CCDC191: variants seen among roughly 807,000 people sequenced by gnomAD.
The protein encoded by CCDC191 is coiled-coil domain-containing protein 191.
A neutral mutation model predicts 114.0 loss-of-function variants in CCDC191; 99 were observed. The ratio of observed to expected loss-of-function variants is 0.87; its 90% CI spans 0.74 to 1.03. The LOEUF is 1.03. Among genes scored for constraint, CCDC191 ranks in the 50% least tolerant of loss-of-function variants. CCDC191 has a pLI of 0.00. For missense variants in CCDC191, 973 were observed against 1,087.0 expected (o/e 0.90, Z 1.47); for synonymous variants, 351 against 376.0 (o/e 0.93, Z 0.77).
intron 13 of CCDC191, among the ~76,000 whole-genome samples, chr3:113,985,016 A>G (rs1034305535): frequency 6.6e-6 from 1 of 152,182 alleles, no homozygotes; most frequent in Non-Finnish European, 1.5e-5. Flanking sequence ...ACTGGATACC[A>G]TATGAGTAAG....
Position 113,978,197 on chromosome 3 carries a change from C to A in CCDC191, c.2595G>T (p.Glu865Asp), listed in dbSNP as rs369084438. ...DSQGKHEIAA[E>D]HSDRRILWIT... Reference sequence around the variant, plus strand: ...TATCAAAACCTCACCTGTCACTGTGCTCCGCTGCAATCTCATGCTTGCCCT... The same window carrying A: ...TATCAAAACCTCACCTGTCACTGTGATCCGCTGCAATCTCATGCTTGCCCT... The change falls in exon 16 of 17, where the codon GAG becomes GAT. Residue 865 changes from glutamate (E) to aspartate (D), a missense_variant. Physicochemically the swap from Glu to Asp is conservative, Grantham distance 45. Transcript: ENST00000295878. The A allele has an allele frequency of 6.2e-7, 1 of 1,613,904 alleles. No individual in the cohort carries two copies. The highest frequency in any genetic ancestry group is 8.5e-7 in the Non-Finnish European group (1 of 1,179,958).
At position 113,965,328 on chromosome 3, in the gene CCDC191, T is replaced by C; in HGVS notation, c.2638A>G (p.Lys880Glu). 6.2e-7 allele frequency: 1 copy of C among 1,609,750 alleles called. No homozygotes were observed. The highest frequency in any genetic ancestry group is 1.1e-5 in the South Asian group (1 of 90,246). ...RILWITLRTW[K>E]KFVKFMKEER... ...TCTTTCATAAATTTTACAAACTTCT[T>C]CCATGTCCGAAGGGTGATCCAGAGG... The change falls in exon 17 of 17, where the codon AAG becomes GAG. Residue 880 changes from lysine to glutamate, a missense_variant. Coordinates refer to ENST00000295878, the MANE Select transcript of CCDC191 (RefSeq NM_020817.2).
intron 9 of CCDC191, 32 bp from the exon 10 acceptor site, chr3:114,005,994 A>C: frequency 6.4e-7 from 1 of 1,564,992 alleles, no homozygotes; most frequent in Non-Finnish European, 8.8e-7. Flanking sequence ...TAGCTCAACT[A>C]TTTAAAGGAC....
chr3:113,996,018 A>G lies in CCDC191; in HGVS notation c.2163+5577T>C, dbSNP rs1214007107. ...CATTTAAATTCTTTATAGATTCTGGATATTAGACCTTTGTCAGATGGATAG... is the reference window on the plus strand; with the variant it reads ...CATTTAAATTCTTTATAGATTCTGGGTATTAGACCTTTGTCAGATGGATAG... On this transcript the variant is annotated intron_variant, in intron 13 of 16. Transcript: ENST00000295878. Among the ~76,000 whole-genome samples, 3 of 151,896 alleles carry G rather than the reference A, an allele frequency of 2.0e-5. No individual in the cohort carries two copies. The East Asian group carries it at 5.8e-4, about 29-fold the overall frequency.
At chr3:114,034,557 A>T (rs1221949396) in intron 6 of CCDC191, among the ~76,000 whole-genome samples, 3 of 152,230 alleles carry the variant, frequency 2.0e-5, no homozygotes, top group African/African-American at 7.2e-5. Flanking sequence ...TTGCAATCTT[A>T]TAATGGTGAA....
chr3:113,988,970 A>AT (rs1183679429), intron 13 of CCDC191, among the ~76,000 whole-genome samples: 1 of 151,776 alleles, frequency 6.6e-6, no homozygotes, highest in Non-Finnish European at 1.5e-5. Flanking sequence ...ATATTTTTGT[A>AT]TTTTTTTAGT....
At chr3:114,002,590 G>T in intron 11 of CCDC191, 52 bp from the exon 12 acceptor site, 1 of 1,431,424 alleles carries the variant, frequency 7.0e-7, no homozygotes, top group Non-Finnish European at 9.6e-7. Context: ...AAAATATGAG[G>T]AATACTGCAA....
intron 13 of CCDC191, among the ~76,000 whole-genome samples, chr3:113,988,524 G>A (rs926831958): frequency 1.3e-5 from 2 of 151,060 alleles, no homozygotes; most frequent in Non-Finnish European, 2.9e-5. Context: ...TACTCAGAAG[G>A]CTGAGGCAGG....
intron 10 of CCDC191, 78 bp downstream of exon 10, chr3:114,005,430 C>T (rs1490648248): frequency 5.9e-6 from 8 of 1,359,486 alleles, no homozygotes; most frequent in Admixed American, 4.5e-5. Flanking sequence ...GGCTCAGAAG[C>T]AGGGCAAAGA....
chr3:114,047,452 A>C lies in CCDC191; in HGVS notation c.130-720T>G, dbSNP rs150517699. Among the ~76,000 whole-genome samples the C allele has an allele frequency of 3.4e-3, 521 of 152,308 alleles. 5 individuals carry two copies. Among genetic ancestry groups the C allele is most frequent in the African/African-American group, 0.012 (490 of 41,572 alleles). ...CAAAATGGGAGGACTGCCTAAGCTC[A>C]GGAGTTTGAGACCAGCCTGGGGCAC... On this transcript the variant is annotated intron_variant, in intron 2 of 16. Coordinates refer to ENST00000295878, the MANE Select transcript of CCDC191 (RefSeq NM_020817.2).
intron 13 of CCDC191, among the ~76,000 whole-genome samples, chr3:113,990,553 C>A (rs2075522163): frequency 6.6e-6 from 1 of 151,392 alleles, no homozygotes; most frequent in Admixed American, 6.6e-5. Flanking sequence ...AAATCCCCAC[C>A]AAAGAATTTA....
At chr3:114,046,501 G>A (rs920503471) in intron 3 of CCDC191, 90 bp downstream of exon 3, 1 of 827,908 alleles carries the variant, frequency 1.2e-6, no homozygotes, top group Non-Finnish European at 2.1e-6. Flanking sequence ...AAGAACAAGA[G>A]TAAGAAAACT....
In CCDC191 at chr3:114,005,645, A is replaced by G; in HGVS notation, c.1731T>C (p.Ile577=). 6.2e-7 allele frequency: 1 copy of G among 1,614,000 alleles called. No homozygotes were observed. The highest frequency in any genetic ancestry group is 8.5e-7 in the Non-Finnish European group (1 of 1,179,984). Residue 577 remains isoleucine (I), a synonymous_variant, in exon 10 of 17, where the codon ATT becomes ATC. Transcript: ENST00000295878. ...KKKLQEQQKT[I]LELKKNLQLA... ...GCTGCAGGTTTTTCTTCAGCTCGAG[A>G]ATTGTTTTCTGCTGTTCCTGAAGTT... is the stretch of plus-strand genomic sequence containing the variant.
chr3:114,053,539 C>A, intron 2 of CCDC191, 58 bp downstream of exon 2: 3 of 1,000,046 alleles, frequency 3.0e-6, no homozygotes, highest in South Asian at 1.6e-5. Flanking sequence ...ATTTCTTTTC[C>A]ATCTGATTAT....
chr3:114,027,227 T>A (rs2076332883), intron 7 of CCDC191, among the ~76,000 whole-genome samples: 1 of 151,898 alleles, frequency 6.6e-6, no homozygotes, highest in South Asian at 2.1e-4. Context: ...TGAACTTGAG[T>A]TTTGATAAGA....
Position 114,036,740 on chromosome 3 carries a change from T to C in CCDC191, c.462A>G (p.Gln154=), listed in dbSNP as rs2076489644. The change falls in exon 5 of 17, where the codon CAA becomes CAG. Residue 154 remains glutamine (Q), a synonymous_variant. Coordinates refer to ENST00000295878, the MANE Select transcript of CCDC191 (RefSeq NM_020817.2). ...LEEEEESTTV[Q]KFIDHLLHKN... ...TATGGAGCAGATGGTCTATAAATTT[T>C]TGAACGGTGGTACTTTCCTCTTCTT... The C allele has an allele frequency of 3.8e-6, 6 of 1,591,660 alleles. No individual in the cohort carries two copies. The highest frequency in any genetic ancestry group is 4.3e-6 in the Non-Finnish European group (5 of 1,167,826).
intron 13 of CCDC191, among the ~76,000 whole-genome samples, chr3:113,998,883 C>T (rs889658391): frequency 2.6e-5 from 4 of 152,166 alleles, no homozygotes; most frequent in African/African-American, 9.7e-5. Flanking sequence ...TTGCTTCTGA[C>T]CAAAGAACTC....
chr3:113,977,201 G>T (rs986731991), intron 16 of CCDC191, among the ~76,000 whole-genome samples: 4 of 152,142 alleles, frequency 2.6e-5, no homozygotes, highest in Non-Finnish European at 5.9e-5. Flanking sequence ...GCGGGCTGAG[G>T]CATGAGAATT....
intron 2 of CCDC191, among the ~76,000 whole-genome samples, chr3:114,048,565 C>CA (rs1310596084): frequency 4.6e-5 from 7 of 152,112 alleles, no homozygotes; most frequent in Non-Finnish European, 8.8e-5. Flanking sequence ...ACTTGCTTAT[C>CA]CTCTGCCTGA....
Sources: gnomAD v4.1 joint callset for allele counts (sites outside exome capture counted in the v4.1 genomes callset) on GRCh38, gnomAD v4.1.1 for gene constraint, MANE v1.5 for transcripts, NCBI Gene and HGNC (gene_info 2026-07-23, HGNC 2026-07-21) for gene names.